The following FBXW8 variants were observed in gnomAD, a reference collection of about 807,000 sequenced individuals.
The protein encoded by FBXW8 is F-box and WD repeat domain containing 8, also known as F-box/WD repeat-containing protein 8.
FBXW8 carries 57 observed loss-of-function variants against 65.3 expected under a neutral mutation model. The ratio of observed to expected loss-of-function variants is 0.87; its 90% CI spans 0.71 to 1.09. FBXW8 has a LOEUF of 1.09. FBXW8 is among the 50% of genes least tolerant of loss of function. The probability of loss-of-function intolerance (pLI) is 0.00; values close to 1 mark genes in which losing one functional copy is unlikely to be tolerated. For missense variants in FBXW8, 777 were observed against 814.8 expected (o/e 0.95, Z 0.57); for synonymous variants, 308 against 330.2 (o/e 0.93, Z 0.73).
chr12:116,948,599 A>G (rs1235521382), intron 3 of FBXW8: 2 of 152,090 alleles, frequency 1.3e-5, no homozygotes, highest in Non-Finnish European at 2.9e-5. Flanking sequence ...GGGCACTTAC[A>G]CTGTTTCTAG....
At chr12:116,928,416 A>G (rs12317604) in intron 2 of FBXW8, among the ~76,000 whole-genome samples, 10,633 of 152,164 alleles carry the variant, frequency 0.07, 976 homozygotes, top group African/African-American at 0.21. Flanking sequence ...CTAAGCCTTT[A>G]TTGAGCTTGT....
At chr12:117,027,917 A>G in intron 10 of FBXW8, 111 bp from the exon 11 acceptor site, 2 of 1,439,610 alleles carry the variant, frequency 1.4e-6, no homozygotes, top group Non-Finnish European at 1.9e-6. Context: ...GCGTTTGTGA[A>G]GCTGAACCTC....
rs1394538537 is a variant in FBXW8 at position 117,027,379 on chromosome 12, C to T, written c.1542-15C>T. 1.9e-6 allele frequency: 3 copies of T among 1,611,576 alleles called. No homozygotes were observed. The highest frequency in any genetic ancestry group is 3.3e-5 in the Admixed American group (2 of 60,008). Reference sequence around the variant, plus strand: ...GTGGACGCCCCCTTACGAGCTCTCTCCCACTGCCTTCCAGGCACCCGGTGC... The same window carrying T: ...GTGGACGCCCCCTTACGAGCTCTCTTCCACTGCCTTCCAGGCACCCGGTGC... On this transcript the variant is annotated splice_polypyrimidine_tract_variant and intron_variant, in intron 9 of 10. Transcript: ENST00000652555.
chr12:116,941,248 G>T (rs965145294), intron 2 of FBXW8, among the ~76,000 whole-genome samples: 2 of 152,224 alleles, frequency 1.3e-5, no homozygotes, highest in Admixed American at 1.3e-4. Context: ...TTGCAATGAG[G>T]AGATACACCT....
At chr12:116,914,202 G>T (rs1008610719) in intron 1 of FBXW8, among the ~76,000 whole-genome samples, 1 of 152,080 alleles carries the variant, frequency 6.6e-6, no homozygotes, top group Non-Finnish European at 1.5e-5. Context: ...GAACCCAGGA[G>T]GCTGAGGCTG....
intron 7 of FBXW8, among the ~76,000 whole-genome samples, chr12:116,991,814 G>C (rs1166602239): frequency 2.0e-5 from 3 of 152,212 alleles, no homozygotes; most frequent in Non-Finnish European, 4.4e-5. Flanking sequence ...TTGACTTTTA[G>C]TCAGAAACTT....
At chr12:116,970,315 G>T (rs1884576345) in intron 5 of FBXW8, among the ~76,000 whole-genome samples, 2 of 152,328 alleles carry the variant, frequency 1.3e-5, no homozygotes, top group South Asian at 4.1e-4. Context: ...AGGAAGCCTG[G>T]ACGGGACAGC....
Position 117,028,743 on chromosome 12 carries a change from A to C in FBXW8, c.*571A>C, listed in dbSNP as rs1256272468. The C allele has an allele frequency of 1.9e-5, 3 of 155,078 alleles. No homozygotes were observed. In the East Asian group the frequency reaches 5.7e-4, roughly 29 times the overall value. The allele number at this position is 155,078 out of a possible 1,614,324, so 9.6% of individuals were successfully genotyped here. On this transcript the variant is annotated 3_prime_UTR_variant, in exon 11 of 11. Transcript: ENST00000652555. The surrounding 1 kb of genome is among the most constrained non-coding windows in gnomAD (Gnocchi z 4.1). ...AGCTTTTACCATGGTTTATAATTAT[A>C]TACTTATACAGTTTAGTCATCAATG...
At position 116,936,670 on chromosome 12, in the gene FBXW8, G is replaced by A. The variant is rs1362152598; in HGVS notation, c.423+8543G>A. ...AGGAATGCAGCCCTGCCCACACCTT[G>A]CTTTTACACTTCTGGTCTCCGGAAC... On this transcript the variant is annotated intron_variant, in intron 2 of 10. Coordinates refer to ENST00000652555, the MANE Select transcript of FBXW8 (RefSeq NM_153348.3). The surrounding 1 kb of genome is among the most constrained non-coding windows in gnomAD (Gnocchi z 4.6). Among the ~76,000 whole-genome samples, 1 of 152,164 alleles carries A rather than the reference G, an allele frequency of 6.6e-6. No individual in the cohort carries two copies. The highest frequency in any genetic ancestry group is 2.4e-5 in the African/African-American group (1 of 41,424).
chr12:116,935,317 T>C (rs541067553), intron 2 of FBXW8, among the ~76,000 whole-genome samples: 9 of 152,200 alleles, frequency 5.9e-5, no homozygotes, highest in South Asian at 2.1e-4. Context: ...TTTATGTCCA[T>C]GTAGGAGAAA....
At chr12:116,933,848 A>G (rs191883925) in intron 2 of FBXW8, among the ~76,000 whole-genome samples, 254 of 152,264 alleles carry the variant, frequency 1.7e-3, no homozygotes, top group Non-Finnish European at 2.9e-3. Flanking sequence ...GGGTGTTTTT[A>G]TTTTGAAACA....
intron 2 of FBXW8, among the ~76,000 whole-genome samples, chr12:116,935,304 G>C (rs1368124374): frequency 6.6e-6 from 1 of 152,172 alleles, no homozygotes; most frequent in South Asian, 2.1e-4. Context: ...AGGAAAATGT[G>C]ATTTTATGTC....
chr12:117,021,762 A>AT (rs984373429), intron 8 of FBXW8, among the ~76,000 whole-genome samples: 1 of 151,418 alleles, frequency 6.6e-6, no homozygotes, highest in Non-Finnish European at 1.5e-5. Flanking sequence ...TTAACCTTTC[A>AT]TTTTTTCCTT....
rs1446886423 is a variant in FBXW8, at chr12:116,945,534, C to CA, written c.588+7dup. ...TGTTACGAACCAACTGGAAGGTGGG[C>CA]AGTGGCCAATATCATTACCTGTGAA... On this transcript the variant is annotated splice_region_variant and intron_variant, in intron 3 of 10. Coordinates refer to ENST00000652555, the MANE Select transcript of FBXW8 (RefSeq NM_153348.3). 4 of 1,612,568 alleles carry CA rather than the reference C, an allele frequency of 2.5e-6. No individual in the cohort carries two copies. Among genetic ancestry groups the CA allele is most frequent in the Non-Finnish European group, 3.4e-6 (4 of 1,179,266 alleles).
rs1187024155 is a variant in FBXW8 at position 117,031,092 on chromosome 12, C to A, written c.*2920C>A. 1 of 152,226 alleles carries A rather than the reference C, an allele frequency of 6.6e-6. No homozygotes were observed. The highest frequency in any genetic ancestry group is 1.5e-5 in the Non-Finnish European group (1 of 68,036). 9.4% of individuals were successfully genotyped at this position (152,226 alleles called of 1,614,324 possible). A position where few individuals can be genotyped will look rare whatever the true frequency, so the allele number is the denominator to read the frequency against. ...TATCGCCTCTCAAAACACTGTCGGA[C>A]TTGCTTTCTGCTTTATGATGTCCGT... On this transcript the variant is annotated 3_prime_UTR_variant, in exon 11 of 11. Coordinates refer to ENST00000652555, the MANE Select transcript of FBXW8 (RefSeq NM_153348.3).
Position 117,024,194 on chromosome 12 carries a change from C to T in FBXW8, c.1415C>T (p.Ser472Phe), listed in dbSNP as rs751418793. The T allele has an allele frequency of 8.7e-6, 14 of 1,614,184 alleles. No individual in the cohort carries two copies. The South Asian group carries it at 8.8e-5, about 10-fold the overall frequency. Residue 472 changes from serine (S) to phenylalanine (F), a missense_variant, in exon 9 of 11, where the codon TCC (serine) becomes TTC (phenylalanine). Coordinates refer to ENST00000652555, the MANE Select transcript of FBXW8 (RefSeq NM_153348.3). ...AGTGGTAACATCGCCCTGTCGCTCT[C>T]CGCCCATCAGCTCAGGGTCTCTGCT... Reference protein sequence around the residue: ...LRSGNIALSLSAHQLRVSAVQ... With the variant: ...LRSGNIALSLFAHQLRVSAVQ...
chr12:117,028,114 A>T lies in FBXW8; in HGVS notation c.1739A>T (p.Asp580Val). The T allele has an allele frequency of 6.2e-7, 1 of 1,614,084 alleles. No homozygotes were observed. The highest frequency in any genetic ancestry group is 8.5e-7 in the Non-Finnish European group (1 of 1,180,010). ...CTCCCTGTCTGCCGTTCATCCTGTG[A>T]CGCCATGGCCACTCACTACTACGAC... ...SPLPVCRSSC[D>V]AMATHYYDLA... Residue 580 changes from aspartate (D) to valine (V), a missense_variant, in exon 11 of 11, where the codon GAC becomes GTC. Physicochemically the swap from Asp to Val is radical, Grantham distance 152. Coordinates refer to ENST00000652555, the MANE Select transcript of FBXW8 (RefSeq NM_153348.3). The surrounding 1 kb of genome is among the most constrained non-coding windows in gnomAD (Gnocchi z 4.1).
At chr12:116,944,057 G>T (rs904668885) in intron 2 of FBXW8, among the ~76,000 whole-genome samples, 7 of 152,176 alleles carry the variant, frequency 4.6e-5, no homozygotes, top group African/African-American at 1.7e-4. Flanking sequence ...TAGGCTGCCG[G>T]TTTTTACAGC....
At chr12:116,953,283 A>G (rs758448698) in intron 4 of FBXW8, among the ~76,000 whole-genome samples, 5 of 151,928 alleles carry the variant, frequency 3.3e-5, no homozygotes, top group Non-Finnish European at 7.4e-5. Context: ...CAAGACCCTC[A>G]TCTTGCTTGA....
Sources: gnomAD v4.1 joint callset for allele counts (sites outside exome capture counted in the v4.1 genomes callset) on GRCh38, gnomAD v4.1.1 for gene constraint, Gnocchi (gnomAD v3.1) non-coding constraint, MANE v1.5 for transcripts, NCBI Gene and HGNC (gene_info 2026-07-23, HGNC 2026-07-21) for gene names.